MALRD1: variants seen among roughly 807,000 people sequenced by gnomAD.
MALRD1 encodes the protein MAM and LDL-receptor class A domain-containing protein 1.
Under a neutral mutation model 242.1 loss-of-function variants are expected in MALRD1, and 247 were observed. That is an observed-to-expected ratio of 1.02 (90% CI 0.92 to 1.13). The LOEUF (loss-of-function observed/expected upper bound fraction) is 1.13, where lower values mean the gene tolerates loss of function less well. MALRD1 is among the 50% of genes most tolerant of loss of function. The pLI, the probability that MALRD1 is intolerant of heterozygous loss-of-function variation, is 0.00. For missense variants in MALRD1, 2,989 were observed against 2,533.1 expected, an observed-to-expected ratio of 1.18 and a Z score of -3.86; for synonymous variants, 995 against 866.6, an observed-to-expected ratio of 1.15 and a Z score of -2.60.
chr10:19,555,455 G>A (rs1320864482), intron 32 of MALRD1, among the ~76,000 whole-genome samples: 1 of 152,100 alleles, frequency 6.6e-6, no homozygotes, highest in Non-Finnish European at 1.5e-5. Flanking sequence ...AAGGAAGTGG[G>A]GAGGTGGGCC....
rs1451558133 is a variant in MALRD1, at chr10:19,165,268, T to A, written c.1657-369T>A. On this transcript the variant is annotated intron_variant, in intron 12 of 39. Transcript: ENST00000454679. ...ATATATATATATATATATATATATT[T>A]TGTTTTGTTTTGTTTTTGTTTTGTT... 3.3e-3 allele frequency among the ~76,000 whole-genome samples: 445 copies of A among 135,346 alleles called. 5 individuals carry two copies. Among genetic ancestry groups the A allele is most frequent in the African/African-American group, 0.012 (403 of 33,090 alleles). 88.8% of individuals were successfully genotyped at this position (135,346 alleles called of 152,430 possible). A position where few individuals can be genotyped will look rare whatever the true frequency, so the allele number is the denominator to read the frequency against.
chr10:19,346,287 A>C (rs1033188863), intron 24 of MALRD1, among the ~76,000 whole-genome samples: 44 of 152,312 alleles, frequency 2.9e-4, no homozygotes, highest in African/African-American at 1.0e-3. Flanking sequence ...AATAGAGTAC[A>C]TGATTTGTCC....
chr10:19,652,023 T>C (rs1840917307), intron 36 of MALRD1, among the ~76,000 whole-genome samples: 1 of 152,176 alleles, frequency 6.6e-6, no homozygotes, highest in South Asian at 2.1e-4. Flanking sequence ...AACCTAGGGC[T>C]AGCCTTGGGG....
chr10:19,148,527 C>T (rs1477941000), intron 11 of MALRD1, among the ~76,000 whole-genome samples: 1 of 151,818 alleles, frequency 6.6e-6, no homozygotes, highest in Non-Finnish European at 1.5e-5. Context: ...CCAGATAAGA[C>T]AATTAGAAAA....
At chr10:19,669,362 A>T (rs1261410685) in intron 36 of MALRD1, among the ~76,000 whole-genome samples, 1 of 152,200 alleles carries the variant, frequency 6.6e-6, no homozygotes, top group Non-Finnish European at 1.5e-5. Flanking sequence ...CCTGTACTCT[A>T]GCAAAATGAG....
chr10:19,371,339 T>C (rs1345658899), intron 26 of MALRD1, among the ~76,000 whole-genome samples: 1 of 152,184 alleles, frequency 6.6e-6, no homozygotes, highest in African/African-American at 2.4e-5. Flanking sequence ...ATATTAGCTG[T>C]ACATTTTTTA....
chr10:19,384,878 T>C lies in MALRD1; in HGVS notation c.4442-2650T>C, dbSNP rs180761237. Reference sequence around the variant, plus strand: ...AGAAAGAACTGAAAATTTTTTACTGTTGAGTGTGATGTTTTATTTGAGCTT... The same window carrying C: ...AGAAAGAACTGAAAATTTTTTACTGCTGAGTGTGATGTTTTATTTGAGCTT... On this transcript the variant is annotated intron_variant, in intron 26 of 39. Coordinates refer to ENST00000454679, the MANE Select transcript of MALRD1 (RefSeq NM_001142308.3). Among the ~76,000 whole-genome samples the C allele has an allele frequency of 4.6e-5, 7 of 151,280 alleles. No individual in the cohort carries two copies. In the Admixed American group the frequency reaches 4.6e-4, roughly 10 times the overall value.
At chr10:19,206,625 T>A (rs1836799378) in intron 17 of MALRD1, among the ~76,000 whole-genome samples, 1 of 152,306 alleles carries the variant, frequency 6.6e-6, no homozygotes, top group South Asian at 2.1e-4. Flanking sequence ...TGAAAGAATG[T>A]CGGTTTCTCA....
chr10:19,404,064 A>G (rs961577147), intron 28 of MALRD1, among the ~76,000 whole-genome samples: 2 of 152,242 alleles, frequency 1.3e-5, no homozygotes, highest in East Asian at 1.9e-4. Flanking sequence ...CAGAAGATAA[A>G]CTAAAAATAT....
At chr10:19,192,180 G>A (rs1455998672) in intron 14 of MALRD1, among the ~76,000 whole-genome samples, 1 of 152,158 alleles carries the variant, frequency 6.6e-6, no homozygotes, top group Admixed American at 6.5e-5. Flanking sequence ...GGGCCTGAGG[G>A]AAGAAAGGAG....
chr10:19,378,530 T>TC (rs1190298996), intron 26 of MALRD1, among the ~76,000 whole-genome samples: 1 of 152,182 alleles, frequency 6.6e-6, no homozygotes, highest in Non-Finnish European at 1.5e-5. Flanking sequence ...TACCTCTTGA[T>TC]CTGATGTGTG....
At chr10:19,485,512 G>A (rs541346699) in intron 29 of MALRD1, among the ~76,000 whole-genome samples, 4 of 151,792 alleles carry the variant, frequency 2.6e-5, no homozygotes, top group Admixed American at 6.6e-5. Flanking sequence ...GCGTGGTGGC[G>A]GGCACCTGTA....
chr10:19,229,437 G>GA (rs1324986032), intron 18 of MALRD1, among the ~76,000 whole-genome samples: 1 of 152,120 alleles, frequency 6.6e-6, no homozygotes, highest in Non-Finnish European at 1.5e-5. Context: ...AGCATTGACA[G>GA]GAGAGAAGGC....
intron 32 of MALRD1, among the ~76,000 whole-genome samples, chr10:19,558,386 A>G (rs1159105672): frequency 2.0e-5 from 3 of 152,134 alleles, no homozygotes; most frequent in Non-Finnish European, 4.4e-5. Flanking sequence ...CTTCGTCAAT[A>G]TTCTTTATCA....
intron 32 of MALRD1, among the ~76,000 whole-genome samples, chr10:19,548,214 A>C (rs1374929886): frequency 6.6e-6 from 1 of 151,338 alleles, no homozygotes; most frequent in Non-Finnish European, 1.5e-5. Flanking sequence ...GGTCAGACTG[A>C]TCTCGAACTC....
intron 28 of MALRD1, among the ~76,000 whole-genome samples, chr10:19,446,252 C>A (rs1293246372): frequency 6.6e-6 from 1 of 152,120 alleles, no homozygotes; most frequent in East Asian, 1.9e-4. Flanking sequence ...GGTGATGCCC[C>A]ACCCTGCTTC....
At chr10:19,441,167 C>A (rs1834624793) in intron 28 of MALRD1, among the ~76,000 whole-genome samples, 1 of 152,128 alleles carries the variant, frequency 6.6e-6, no homozygotes, top group Non-Finnish European at 1.5e-5. Flanking sequence ...TGTTCATATC[C>A]TTTGCCCACT....
intron 1 of MALRD1, among the ~76,000 whole-genome samples, chr10:19,059,815 T>TCC (rs1834770107): frequency 6.6e-6 from 1 of 152,244 alleles, no homozygotes; most frequent in South Asian, 2.1e-4. Flanking sequence ...TAGGCATATA[T>TCC]GCGATGTAAG....
At chr10:19,491,438 A>G (rs1837487887) in intron 29 of MALRD1, 79 bp from the exon 30 acceptor site, 7 of 1,489,542 alleles carry the variant, frequency 4.7e-6, no homozygotes, top group Middle Eastern at 1.7e-4. Flanking sequence ...TGTGAAATCT[A>G]TAAAATACCT....
Sources: allele counts gnomAD v4.1 joint callset (sites outside exome capture counted in the v4.1 genomes callset), GRCh38; gene constraint gnomAD v4.1.1; transcripts MANE v1.5; gene names NCBI Gene and HGNC (gene_info 2026-07-23, HGNC 2026-07-21).